FMN2: variants seen among roughly 807,000 people sequenced by gnomAD.
FMN2 encodes formin 2, also known as formin-2.
Under a neutral mutation model 142.3 loss-of-function variants are expected in FMN2, and 51 were observed. The observed-to-expected ratio is 0.36, with a 90% CI of 0.29 to 0.45. FMN2 has a LOEUF of 0.45. Ranked by LOEUF, FMN2 falls within the 20% of genes least tolerant of loss-of-function variation. The pLI is 1.00. For synonymous variants in FMN2, 882 were observed against 869.8 expected (o/e 1.01, Z -0.25); for missense variants, 1,936 against 2,122.8 (o/e 0.91, Z 1.73).
chr1:240,163,378 GC>G (rs1429207653), intron 2 of FMN2, among the ~76,000 whole-genome samples: 1 of 152,138 alleles, frequency 6.6e-6, no homozygotes, highest in Non-Finnish European at 1.5e-5. Flanking sequence ...GTGCTTTGAA[GC>G]CTTGTTATTT....
chr1:240,093,279 C>T lies in FMN2; in HGVS notation c.1170C>T (p.Asp390=), dbSNP rs202231609. 12 of 1,604,932 alleles carry T rather than the reference C, an allele frequency of 7.5e-6. No homozygotes were observed. Among genetic ancestry groups the T allele is most frequent in the Non-Finnish European group, 1.0e-5 (12 of 1,175,722 alleles). ...EEPEEEAQGP[D]APAAASLPGS... is the part of the protein sequence containing the mutation. ...CGGAGGAGGAGGCGCAAGGACCTGA[C>T]GCCCCCGCGGCCGCTTCCCTGCCCG... Residue 390 remains aspartate, a synonymous_variant, in exon 1 of 18, where the codon GAC becomes GAT. Coordinates refer to ENST00000319653, the MANE Select transcript of FMN2 (RefSeq NM_020066.5).
In FMN2 at chr1:240,174,204, G is replaced by A. The variant is rs139736161; in HGVS notation, c.1783-3717G>A. ...GGTTCTGCTACTCTGGAAAATATTAGGAGGGCAATGGCTGCAAAGATTTAA... is the reference window on the plus strand; with the variant it reads ...GGTTCTGCTACTCTGGAAAATATTAAGAGGGCAATGGCTGCAAAGATTTAA... On this transcript the variant is annotated intron_variant, in intron 2 of 17. Transcript: ENST00000319653. Among the ~76,000 whole-genome samples the A allele has an allele frequency of 1.2e-3, 180 of 151,742 alleles. 1 individual carries two copies. The South Asian group carries it at 0.014, about 12-fold the overall frequency.
At chr1:240,348,208 A>ATGT (rs34498955) in intron 13 of FMN2, among the ~76,000 whole-genome samples, 92,332 of 149,176 alleles carry the variant, frequency 0.62, 30,608 homozygotes, top group African/African-American at 0.87. Context: ...TTGCCAGTAT[A>ATGT]TGTTGTTTTT....
chr1:240,279,131 T>C (rs1249796111), intron 7 of FMN2, among the ~76,000 whole-genome samples: 1 of 152,132 alleles, frequency 6.6e-6, no homozygotes, highest in East Asian at 1.9e-4. Context: ...GGTTAAACCT[T>C]CCTCCAACCA....
chr1:240,187,721 T>C (rs1364622921), intron 3 of FMN2, among the ~76,000 whole-genome samples: 1 of 152,172 alleles, frequency 6.6e-6, no homozygotes, highest in Non-Finnish European at 1.5e-5. Flanking sequence ...GAAAAACTGC[T>C]TCAGAATCCC....
At chr1:240,249,068 T>A (rs1307847242) in intron 6 of FMN2, among the ~76,000 whole-genome samples, 1 of 152,164 alleles carries the variant, frequency 6.6e-6, no homozygotes, top group Non-Finnish European at 1.5e-5. Flanking sequence ...ACTCTGTTGA[T>A]TGTTTTTTTG....
chr1:240,233,049 G>T (rs111282374), intron 6 of FMN2, among the ~76,000 whole-genome samples: 2,426 of 152,208 alleles, frequency 0.016, 51 homozygotes, highest in African/African-American at 0.047. Context: ...TTCATTCACT[G>T]TAACAGCCAC....
chr1:240,382,083 TC>T (rs570431242), intron 14 of FMN2, among the ~76,000 whole-genome samples: 42 of 152,100 alleles, frequency 2.8e-4, no homozygotes, highest in African/African-American at 9.6e-4. Context: ...ACCCTAAAGA[TC>T]CCTCCAAAAG....
intron 4 of FMN2, among the ~76,000 whole-genome samples, chr1:240,200,912 C>A (rs369974266): frequency 2.6e-5 from 4 of 152,196 alleles, no homozygotes; most frequent in African/African-American, 9.6e-5. Context: ...TTTGACTCTT[C>A]CACCTTCCTG....
rs1171839566 is a variant in FMN2, at chr1:240,124,608, A to G, written c.1782+1263A>G. On this transcript the variant is annotated intron_variant, in intron 2 of 17. Coordinates refer to ENST00000319653, the MANE Select transcript of FMN2 (RefSeq NM_020066.5). ...AAGAATTCTCGTGGATGAAATTCTCATAACAAAATTGAAGGTTGGCTCACT... is the reference window on the plus strand; with the variant it reads ...AAGAATTCTCGTGGATGAAATTCTCGTAACAAAATTGAAGGTTGGCTCACT... Among the ~76,000 whole-genome samples, 5 of 152,154 alleles carry G rather than the reference A, an allele frequency of 3.3e-5. No individual in the cohort carries two copies. In the East Asian group the frequency reaches 7.7e-4, roughly 23 times the overall value.
At position 240,282,174 on chromosome 1, in the gene FMN2, T is replaced by C. The variant is rs367661833; in HGVS notation, c.4154-12648T>C. ...TATCCATTTAAGGGGATAATAACAT[T>C]ACCACTGATATGTCTATTTCCCATG... is the stretch of plus-strand genomic sequence containing the variant. On this transcript the variant is annotated intron_variant, in intron 7 of 17. Coordinates refer to ENST00000319653, the MANE Select transcript of FMN2 (RefSeq NM_020066.5). 7.2e-5 allele frequency among the ~76,000 whole-genome samples: 11 copies of C among 152,236 alleles called. No individual in the cohort carries two copies. In the East Asian group the frequency reaches 1.7e-3, roughly 24 times the overall value.
chr1:240,358,337 G>A (rs73126268), intron 14 of FMN2, among the ~76,000 whole-genome samples: 1,630 of 152,278 alleles, frequency 0.011, 31 homozygotes, highest in African/African-American at 0.037. Flanking sequence ...TACATCAAAT[G>A]TATGTAGATC....
intron 16 of FMN2, among the ~76,000 whole-genome samples, chr1:240,468,678 C>G (rs1676714063): frequency 6.6e-6 from 1 of 152,114 alleles, no homozygotes; most frequent in Non-Finnish European, 1.5e-5. Flanking sequence ...CATCTTTTTT[C>G]TACTTAGTTA....
chr1:240,370,072 C>T (rs918208666), intron 14 of FMN2, among the ~76,000 whole-genome samples: 8 of 152,050 alleles, frequency 5.3e-5, no homozygotes, highest in African/African-American at 7.2e-5. Context: ...GAGGCCTGTT[C>T]AAAAATTTCC....
intron 16 of FMN2, among the ~76,000 whole-genome samples, chr1:240,442,321 A>G (rs374392482): frequency 2.8e-4 from 42 of 152,322 alleles, no homozygotes; most frequent in African/African-American, 9.1e-4. Flanking sequence ...GAGGAACTCC[A>G]AATGAATTGT....
intron 6 of FMN2, among the ~76,000 whole-genome samples, chr1:240,242,022 T>C (rs1667927020): frequency 6.6e-6 from 1 of 151,834 alleles, no homozygotes; most frequent in African/African-American, 2.4e-5. Flanking sequence ...ATTTTTTGTA[T>C]TTTTAGTAGA....
intron 7 of FMN2, among the ~76,000 whole-genome samples, chr1:240,289,938 A>G (rs999184818): frequency 1.3e-5 from 2 of 152,158 alleles, no homozygotes; most frequent in African/African-American, 4.8e-5. Context: ...CCTGTGGGTA[A>G]TTCAACATTT....
At chr1:240,151,732 T>C (rs1321948173) in intron 2 of FMN2, among the ~76,000 whole-genome samples, 3 of 152,052 alleles carry the variant, frequency 2.0e-5, no homozygotes, top group South Asian at 4.1e-4. Flanking sequence ...AGCAGAACTC[T>C]CTGTGTGGCA....
intron 2 of FMN2, among the ~76,000 whole-genome samples, chr1:240,156,736 C>T (rs1255529094): frequency 1.3e-5 from 2 of 152,154 alleles, no homozygotes; most frequent in Admixed American, 1.3e-4. Context: ...CAGGACCTGT[C>T]TCCAGAAAGG....
Sources: gnomAD v4.1 joint callset for allele counts (sites outside exome capture counted in the v4.1 genomes callset) on GRCh38, gnomAD v4.1.1 for gene constraint, MANE v1.5 for transcripts, NCBI Gene and HGNC (gene_info 2026-07-23, HGNC 2026-07-21) for gene names.